Variants in ATP2B2 observed in about 807,000 individuals in gnomAD.
ATP2B2 encodes the protein plasma membrane calcium-transporting ATPase 2.
ATP2B2 carries 15 observed loss-of-function variants against 120.0 expected under a neutral mutation model. The ratio of observed to expected loss-of-function variants is 0.12; its 90% CI spans 0.08 to 0.19. ATP2B2 has a LOEUF of 0.19. ATP2B2 is among the 10% of genes least tolerant of loss of function. The pLI, the probability that ATP2B2 is intolerant of heterozygous loss-of-function variation, is 1.00. For synonymous variants in ATP2B2, 694 were observed against 700.3 expected (o/e 0.99, Z 0.14); for missense variants, 1,045 against 1,719.8 (o/e 0.61, Z 6.94).
rs531843591 is a variant in ATP2B2, at chr3:10,574,785, A to G, written c.-414-40652T>C. On this transcript the variant is annotated intron_variant, in intron 2 of 21. Coordinates refer to the ATP2B2 transcript ENST00000646379. ...TTAATTTAAAAAGTAAACAGGTCTCAGCTGTGTGGGGGAAGGAGGAGTGGA... is the reference window on the plus strand; with the variant it reads ...TTAATTTAAAAAGTAAACAGGTCTCGGCTGTGTGGGGGAAGGAGGAGTGGA... Among the ~76,000 whole-genome samples, 12 of 152,268 alleles carry G rather than the reference A, an allele frequency of 7.9e-5. No individual in the cohort carries two copies. In the South Asian group the frequency reaches 2.5e-3, roughly 32 times the overall value.
Position 10,328,216 on chromosome 3 carries a change from TGTGA to T in ATP2B2, c.*594_*597del, listed in dbSNP as rs2059894207. On this transcript the variant is annotated 3_prime_UTR_variant, in exon 23 of 23. Coordinates refer to ENST00000360273, the MANE Select transcript of ATP2B2 (RefSeq NM_001001331.4). ...AGATACAAAGAAATGGATATAACCT[TGTGA>T]GTGTCTATGAAGTTCTTCGGTTCCA... The T allele has an allele frequency of 6.5e-6, 1 of 153,256 alleles. No homozygotes were observed. Among genetic ancestry groups the T allele is most frequent in the Admixed American group, 6.5e-5 (1 of 15,362 alleles). The allele number at this position is 153,256 out of a possible 1,614,324, so 9.5% of individuals were successfully genotyped here. A position where few individuals can be genotyped will look rare whatever the true frequency, so the allele number is the denominator to read the frequency against.
intron 12 of ATP2B2, among the ~76,000 whole-genome samples, 160 bp downstream of exon 12, chr3:10,371,649 T>C (rs542425822): frequency 1.3e-5 from 2 of 152,316 alleles, no homozygotes; most frequent in South Asian, 2.1e-4. Flanking sequence ...ATATTAATAG[T>C]ATATTAACTC....
intron 1 of ATP2B2, among the ~76,000 whole-genome samples, chr3:10,466,213 A>G (rs1348269811): frequency 6.6e-6 from 1 of 152,212 alleles, no homozygotes; most frequent in East Asian, 1.9e-4. Context: ...TCATGCTAAC[A>G]ATTTTTGTTG....
chr3:10,382,865 T>A (rs893137389), intron 8 of ATP2B2, among the ~76,000 whole-genome samples: 1 of 151,636 alleles, frequency 6.6e-6, no homozygotes, highest in African/African-American at 2.4e-5. Context: ...TTTTTCCATA[T>A]CCAAGTCATT....
Position 10,634,745 on chromosome 3 carries a change from A to G in ATP2B2, c.-459-14784T>C, listed in dbSNP as rs1179546802. On this transcript the variant is annotated intron_variant, in intron 1 of 21. Transcript: ENST00000646379. The stretch of plus-strand genomic sequence containing the variant: ...GTGCATGAATGCCTTCTGAACCTTG[A>G]CCCCATGACAAGTCACCAGGAAGGA... 7.2e-5 allele frequency among the ~76,000 whole-genome samples: 11 copies of G among 151,956 alleles called. No individual in the cohort carries two copies. In the East Asian group the frequency reaches 1.9e-3, roughly 27 times the overall value.
intron 5 of ATP2B2, 144 bp from the exon 6 acceptor site, chr3:10,388,546 T>A: frequency 8.1e-7 from 1 of 1,235,372 alleles, no homozygotes; most frequent in African/African-American, 1.5e-5. Context: ...ATTCACACTG[T>A]GTGTGTGGTG....
chr3:10,357,932 C>T (rs2060787342), intron 14 of ATP2B2, among the ~76,000 whole-genome samples: 1 of 152,224 alleles, frequency 6.6e-6, no homozygotes, highest in Admixed American at 6.5e-5. Flanking sequence ...CCGGCAGCTC[C>T]AGCACTGAGT....
At chr3:10,503,615 C>T (rs557422320) in intron 1 of ATP2B2, among the ~76,000 whole-genome samples, 6 of 152,358 alleles carry the variant, frequency 3.9e-5, no homozygotes, top group South Asian at 4.1e-4. Flanking sequence ...ACGCAGCATC[C>T]GCAGAGGTGC....
chr3:10,356,928 A>T (rs1559553110), intron 14 of ATP2B2, among the ~76,000 whole-genome samples: 1 of 151,916 alleles, frequency 6.6e-6, no homozygotes, highest in Non-Finnish European at 1.5e-5. Context: ...GGAGTGAGGA[A>T]GCCACAATGA....
chr3:10,552,844 T>C (rs773658147), intron 2 of ATP2B2, among the ~76,000 whole-genome samples: 1 of 152,232 alleles, frequency 6.6e-6, no homozygotes, highest in Non-Finnish European at 1.5e-5. Context: ...CACAGACAGC[T>C]CAGGGCAGAA....
At chr3:10,509,358 T>G (rs541649299), upstream of ATP2B2, among the ~76,000 whole-genome samples, 1 of 152,266 alleles carries the variant, frequency 6.6e-6, no homozygotes, top group East Asian at 1.9e-4. Flanking sequence ...GGGGCAGCTC[T>G]CAGGTCACTG....
chr3:10,599,810 G>C (rs868686329), intron 2 of ATP2B2, among the ~76,000 whole-genome samples: 1 of 116,228 alleles, frequency 8.6e-6, no homozygotes, highest in Admixed American at 1.1e-4. Context: ...AAGGGGGTGG[G>C]GGGTGGGGCG....
intron 1 of ATP2B2, among the ~76,000 whole-genome samples, chr3:10,466,640 G>A (rs1420012926): frequency 6.6e-6 from 1 of 152,220 alleles, no homozygotes. Flanking sequence ...GCTGTCTGCA[G>A]GGTGGCCCCT....
At chr3:10,565,240 C>T (rs1160493871) in intron 2 of ATP2B2, among the ~76,000 whole-genome samples, 3 of 152,218 alleles carry the variant, frequency 2.0e-5, no homozygotes, top group Middle Eastern at 6.8e-3. Context: ...AGTTTTCTAC[C>T]CTGCTATTTG....
chr3:10,644,593 A>G (rs2070268634), intron 1 of ATP2B2, among the ~76,000 whole-genome samples: 1 of 152,252 alleles, frequency 6.6e-6, no homozygotes, highest in East Asian at 1.9e-4. Flanking sequence ...AAAGGAATGA[A>G]GTACTAATAC....
intron 2 of ATP2B2, among the ~76,000 whole-genome samples, chr3:10,617,204 A>G (rs962741656): frequency 6.6e-6 from 1 of 152,244 alleles, no homozygotes; most frequent in African/African-American, 2.4e-5. Context: ...CAAATGTCCT[A>G]GAAGTGAAAT....
intron 1 of ATP2B2, among the ~76,000 whole-genome samples, chr3:10,501,975 C>T: frequency 6.6e-6 from 1 of 152,178 alleles, no homozygotes. Context: ...AAATCTGCCC[C>T]CATCAGGTGA....
In ATP2B2 at chr3:10,635,796, A is replaced by T. The variant is rs1036366071; in HGVS notation, c.-459-15835T>A. Among the ~76,000 whole-genome samples, 1 of 152,160 alleles carries T rather than the reference A, an allele frequency of 6.6e-6. No individual in the cohort carries two copies. The highest frequency in any genetic ancestry group is 1.5e-5 in the Non-Finnish European group (1 of 68,022). On this transcript the variant is annotated intron_variant, in intron 1 of 21. Transcript: ENST00000646379. The surrounding 1 kb of genome is among the most constrained non-coding windows in gnomAD (Gnocchi z 4.3). Reference sequence around the variant, plus strand: ...CAGGCTGGGCTGGAGTCAGCAAATGATCCCCTGGTGGGTATTTCATAAAGC... The same window carrying T: ...CAGGCTGGGCTGGAGTCAGCAAATGTTCCCCTGGTGGGTATTTCATAAAGC...
At chr3:10,672,540 G>A (rs1020366211) in intron 1 of ATP2B2, among the ~76,000 whole-genome samples, 4 of 152,242 alleles carry the variant, frequency 2.6e-5, no homozygotes, top group Non-Finnish European at 4.4e-5. Flanking sequence ...TTCCGCACAA[G>A]GCAGTTTGGA....
Sources: allele counts gnomAD v4.1 joint callset (sites outside exome capture counted in the v4.1 genomes callset), GRCh38; gene constraint gnomAD v4.1.1; non-coding constraint Gnocchi (gnomAD v3.1); transcripts MANE v1.5; gene names NCBI Gene and HGNC (gene_info 2026-07-23, HGNC 2026-07-21).